The following DESI1 variants were observed in gnomAD, a reference collection of about 807,000 sequenced individuals.
The protein encoded by DESI1 is PPPDE peptidase domain containing 2.
Under a neutral mutation model 22.4 loss-of-function variants are expected in DESI1, and 17 were observed. The observed-to-expected ratio is 0.76, with a 90% CI of 0.52 to 1.14. DESI1 has a LOEUF of 1.14. DESI1 is among the 50% of genes most tolerant of loss of function. The pLI is 0.00. For synonymous variants in DESI1, 92 were observed against 84.2 expected, an observed-to-expected ratio of 1.09 and a Z score of -0.51; for missense variants, 177 against 208.9, an observed-to-expected ratio of 0.85 and a Z score of 0.94.
intron 1 of DESI1, among the ~76,000 whole-genome samples, chr22:41,611,749 C>T (rs1303975978): frequency 3.3e-5 from 5 of 151,778 alleles, no homozygotes; most frequent in East Asian, 2.0e-4. Context: ...CTCACCACCA[C>T]GCCTGGCTAA....
rs528941317 is a variant in DESI1, at chr22:41,621,038, A to G, written c.-199T>C. 1 of 596,518 alleles carries G rather than the reference A, an allele frequency of 1.7e-6. No homozygotes were observed. Among genetic ancestry groups the G allele is most frequent in the South Asian group, 2.1e-5 (1 of 47,982 alleles). 37.0% of individuals were successfully genotyped at this position (596,518 alleles called of 1,614,324 possible). A position where few individuals can be genotyped will look rare whatever the true frequency, so the allele number is the denominator to read the frequency against. ...CCGGCAACGACTACTGTGAGGTGAC[A>G]GAGAGGGGACAGGGAGGGCCCACAC... On this transcript the variant is annotated 5_prime_UTR_variant, in exon 1 of 6. Coordinates refer to ENST00000263256, the MANE Select transcript of DESI1 (RefSeq NM_015704.3).
chr22:41,616,130 C>A (rs992336310), intron 1 of DESI1, among the ~76,000 whole-genome samples: 1 of 152,110 alleles, frequency 6.6e-6, no homozygotes, highest in Non-Finnish European at 1.5e-5. Flanking sequence ...GTAATCCCAG[C>A]TCCTTGGGAG....
chr22:41,603,188 A>C lies in DESI1; in HGVS notation c.413+71T>G, dbSNP rs1242573969. The stretch of plus-strand genomic sequence containing the variant: ...TGGGAGGGCAGATGGGGGCCAGAGG[A>C]AGGGCACTGACCGTGAATGGGGATT... On this transcript the variant is annotated intron_variant, in intron 5 of 5. Coordinates refer to ENST00000263256, the MANE Select transcript of DESI1 (RefSeq NM_015704.3). The C allele has an allele frequency of 5.7e-5, 92 of 1,607,682 alleles. 1 individual carries two copies. The South Asian group carries it at 8.2e-4, about 14-fold the overall frequency.
intron 1 of DESI1, among the ~76,000 whole-genome samples, chr22:41,612,118 CACTT>C (rs1480361758): frequency 6.6e-6 from 1 of 152,062 alleles, no homozygotes; most frequent in Non-Finnish European, 1.5e-5. Flanking sequence ...TCCTTCATGA[CACTT>C]ACTAGGTGGG....
rs1302311001 is a variant in DESI1, at chr22:41,621,015, G to T, written c.-176C>A. ...TGCTCGCGCCCCCACACCCGCTACC[G>T]GCAACGACTACTGTGAGGTGACAGA... On this transcript the variant is annotated 5_prime_UTR_variant, in exon 1 of 6. Coordinates refer to ENST00000263256, the MANE Select transcript of DESI1 (RefSeq NM_015704.3). 1.6e-6 allele frequency: 1 copy of T among 644,430 alleles called. No individual in the cohort carries two copies. Among genetic ancestry groups the T allele is most frequent in the Non-Finnish European group, 2.6e-6 (1 of 378,092 alleles). 39.9% of individuals were successfully genotyped at this position (644,430 alleles called of 1,614,324 possible).
At chr22:41,611,682 T>C (rs1213160199) in intron 1 of DESI1, among the ~76,000 whole-genome samples, 2 of 145,728 alleles carry the variant, frequency 1.4e-5, no homozygotes, top group Non-Finnish European at 3.0e-5. Context: ...AACCTCCGCC[T>C]CCCAGGTTCA....
At chr22:41,615,087 A>G (rs2147048964) in intron 1 of DESI1, among the ~76,000 whole-genome samples, 1 of 150,254 alleles carries the variant, frequency 6.7e-6, no homozygotes, top group South Asian at 2.1e-4. Context: ...TCACGAGGTC[A>G]GGAGATCAAG....
intron 1 of DESI1, 127 bp from the exon 2 acceptor site, chr22:41,607,988 A>G: frequency 1.0e-6 from 1 of 957,130 alleles, no homozygotes; most frequent in Non-Finnish European, 1.6e-6. Flanking sequence ...CTTTCTAGGA[A>G]TGCAAGTCCC....
intron 1 of DESI1, among the ~76,000 whole-genome samples, chr22:41,615,295 A>T (rs2067544111): frequency 6.9e-6 from 1 of 144,240 alleles, no homozygotes; most frequent in Non-Finnish European, 1.5e-5. Context: ...AAAAAAAAAA[A>T]ATTAGCCAGG....
intron 1 of DESI1, among the ~76,000 whole-genome samples, chr22:41,618,957 G>A (rs1291785013): frequency 2.0e-5 from 3 of 152,024 alleles, no homozygotes; most frequent in East Asian, 1.9e-4. Flanking sequence ...CCAGCTACTC[G>A]GGAGGCTGAG....
intron 5 of DESI1, 119 bp from the exon 6 acceptor site, chr22:41,601,309 C>G: frequency 1.1e-6 from 1 of 907,562 alleles, no homozygotes. Flanking sequence ...GAAGCAGCAC[C>G]AGCAGAGAAG....
Position 41,620,946 on chromosome 22 carries a change from A to G in DESI1, c.-107T>C. On this transcript the variant is annotated 5_prime_UTR_variant, in exon 1 of 6. Coordinates refer to ENST00000263256, the MANE Select transcript of DESI1 (RefSeq NM_015704.3). Reference sequence around the variant, plus strand: ...GAAGCGGAGGGAGAGGGGGGGACCGAGCCCGGGCCCGGGCTGAGGGGTGGG... The same window carrying G: ...GAAGCGGAGGGAGAGGGGGGGACCGGGCCCGGGCCCGGGCTGAGGGGTGGG... The G allele has an allele frequency of 8.8e-7, 1 of 1,139,310 alleles. No homozygotes were observed. Among genetic ancestry groups the G allele is most frequent in the Non-Finnish European group, 1.2e-6 (1 of 806,746 alleles). The allele number at this position is 1,139,310 out of a possible 1,614,324, so 70.6% of individuals were successfully genotyped here. A position where few individuals can be genotyped will look rare whatever the true frequency, so the allele number is the denominator to read the frequency against.
At position 41,615,188 on chromosome 22, in the gene DESI1, G is replaced by A. The variant is rs775971219; in HGVS notation, c.88+5564C>T. Among the ~76,000 whole-genome samples the A allele has an allele frequency of 1.2e-3, 182 of 146,788 alleles. 1 individual carries two copies. Among genetic ancestry groups the A allele is most frequent in the Middle Eastern group, 3.6e-3 (1 of 280 alleles). On this transcript the variant is annotated intron_variant, in intron 1 of 5. Transcript: ENST00000263256. ...CTCAAGCCTGTAATCCCAGCACTTCGGGAGGCCGAGGCGGGAGGATCACGA... is the reference window on the plus strand; with the variant it reads ...CTCAAGCCTGTAATCCCAGCACTTCAGGAGGCCGAGGCGGGAGGATCACGA...
rs1265998208 is a variant in DESI1 at position 41,614,222 on chromosome 22, G to C, written c.89-6361C>G. Among the ~76,000 whole-genome samples the C allele has an allele frequency of 2.6e-5, 4 of 151,320 alleles. No homozygotes were observed. In the East Asian group the frequency reaches 7.9e-4, roughly 30 times the overall value. On this transcript the variant is annotated intron_variant, in intron 1 of 5. Transcript: ENST00000263256. Reference sequence around the variant, plus strand: ...CGGCTAATTTTTTGTATTTTTAGTAGAGACGGGGTTTCTCCATGCTGGCCA... The same window carrying C: ...CGGCTAATTTTTTGTATTTTTAGTACAGACGGGGTTTCTCCATGCTGGCCA...
intron 3 of DESI1, 99 bp from the exon 4 acceptor site, chr22:41,604,252 T>A: frequency 3.1e-4 from 53 of 173,140 alleles, no homozygotes; most frequent in South Asian, 4.9e-4. Context: ...TGTTCTGACT[T>A]TTTTTTTTTT....
chr22:41,618,921 G>A (rs950701905), intron 1 of DESI1, among the ~76,000 whole-genome samples: 6 of 152,150 alleles, frequency 3.9e-5, no homozygotes, highest in African/African-American at 7.2e-5. Context: ...AAAATTAGCC[G>A]GCTGTGGTGG....
chr22:41,607,929 C>T (rs1243281732), intron 1 of DESI1, 68 bp from the exon 2 acceptor site: 2 of 1,572,790 alleles, frequency 1.3e-6, no homozygotes, highest in Admixed American at 3.4e-5. Flanking sequence ...TTGGTAAATT[C>T]ATGACATCAC....
chr22:41,605,004 G>A (rs1421152248), intron 3 of DESI1, among the ~76,000 whole-genome samples: 1 of 152,160 alleles, frequency 6.6e-6, no homozygotes, highest in African/African-American at 2.4e-5. Flanking sequence ...AGCTGAGAAA[G>A]AGAAACCCAG....
intron 1 of DESI1, among the ~76,000 whole-genome samples, chr22:41,611,989 G>T (rs957671129): frequency 6.6e-6 from 1 of 152,148 alleles, no homozygotes; most frequent in Admixed American, 6.6e-5. Flanking sequence ...ACAGGTTCTG[G>T]TGTAGACAGG....
Sources: gnomAD v4.1 joint callset for allele counts (sites outside exome capture counted in the v4.1 genomes callset) on GRCh38, gnomAD v4.1.1 for gene constraint, MANE v1.5 for transcripts, NCBI Gene and HGNC (gene_info 2026-07-23, HGNC 2026-07-21) for gene names.